PTPN3: variants seen among roughly 807,000 people sequenced by gnomAD.
PTPN3 encodes tyrosine-protein phosphatase non-receptor type 3.
PTPN3 carries 96 observed loss-of-function variants against 132.7 expected under a neutral mutation model. The ratio of observed to expected loss-of-function variants is 0.72; its 90% CI spans 0.61 to 0.86. PTPN3 has a LOEUF of 0.86. Ranked by LOEUF, PTPN3 falls within the 40% of genes least tolerant of loss-of-function variation. The pLI is 0.00. For missense variants in PTPN3, 1,125 were observed against 1,159.6 expected, an observed-to-expected ratio of 0.97 and a Z score of 0.43; for synonymous variants, 398 against 429.0, an observed-to-expected ratio of 0.93 and a Z score of 0.89.
At chr9:109,408,795 A>AT (rs1282154085) in intron 16 of PTPN3, among the ~76,000 whole-genome samples, 8,033 of 84,312 alleles carry the variant, frequency 0.095, 254 homozygotes, top group South Asian at 0.15. Flanking sequence ...AAAAAAAAAA[A>AT]AATATATATA....
At chr9:109,426,588 C>T (rs1195825796) in intron 12 of PTPN3, among the ~76,000 whole-genome samples, 4 of 152,102 alleles carry the variant, frequency 2.6e-5, no homozygotes. Flanking sequence ...AATTAAAGTT[C>T]TGTGGGAGAG....
chr9:109,385,543 G>T (rs1218265727), intron 22 of PTPN3, among the ~76,000 whole-genome samples: 1 of 152,200 alleles, frequency 6.6e-6, no homozygotes, highest in Non-Finnish European at 1.5e-5. Flanking sequence ...ATGAATCAGT[G>T]TGTGTCAGAT....
the PTPN3 span, chr9:109,534,197 C>T: frequency 8.8e-7 from 1 of 1,135,992 alleles, no homozygotes; most frequent in Non-Finnish European, 1.3e-6. Flanking sequence ...GCAGGTGCTG[C>T]TGATGTGAAG....
chr9:109,418,295 C>T (rs866020872), intron 14 of PTPN3, among the ~76,000 whole-genome samples: 6 of 152,210 alleles, frequency 3.9e-5, no homozygotes, highest in African/African-American at 7.2e-5. Flanking sequence ...TAAAGTGTGC[C>T]GCTGGACTTG....
At chr9:109,391,028 G>A (rs902557927) in intron 21 of PTPN3, 110 bp downstream of exon 21, 12 of 930,866 alleles carry the variant, frequency 1.3e-5, no homozygotes, top group African/African-American at 1.2e-4. Context: ...GCTGAAATGC[G>A]GTGGTGAACG....
chr9:109,469,007 T>C (rs1326377979), intron 1 of PTPN3, among the ~76,000 whole-genome samples: 1 of 152,218 alleles, frequency 6.6e-6, no homozygotes, highest in Non-Finnish European at 1.5e-5. Context: ...GATAGATATG[T>C]GATACATCTT....
intron 22 of PTPN3, among the ~76,000 whole-genome samples, chr9:109,383,920 C>T (rs74519113): frequency 0.14 from 21,014 of 151,660 alleles, 1,537 homozygotes; most frequent in East Asian, 0.18. Context: ...CCTCCAACGG[C>T]CCCTCCTCCT....
chr9:109,448,760 C>T (rs1845027537), intron 6 of PTPN3, 51 bp downstream of exon 6: 1 of 1,513,256 alleles, frequency 6.6e-7, no homozygotes, highest in African/African-American at 1.4e-5. Flanking sequence ...AGATTAAAAC[C>T]AGGAATTTTG....
At chr9:109,528,520 GC>G in the PTPN3 span, among the ~76,000 whole-genome samples, 2 of 152,268 alleles carry the variant, frequency 1.3e-5, no homozygotes, top group East Asian at 3.9e-4. Flanking sequence ...TCAAAAACAG[GC>G]AAAACAGATC....
At chr9:109,524,365 A>T in the PTPN3 span, among the ~76,000 whole-genome samples, 3,779 of 45,040 alleles carry the variant, frequency 0.084, 1,051 homozygotes, top group East Asian at 0.57. Context: ...CCTATGAAGG[A>T]GGTACTATTA....
the PTPN3 span, among the ~76,000 whole-genome samples, chr9:109,514,677 A>AGTTCTTTGCTCCTCTCTGTAGCCAT: frequency 6.6e-6 from 1 of 152,154 alleles, no homozygotes; most frequent in Non-Finnish European, 1.5e-5. Flanking sequence ...TAATGGCTCA[A>AGTTCTTTGCTCCTCTCTGTAGCCAT]GTTCTTTGCT....
intron 2 of PTPN3, 72 bp from the exon 3 acceptor site, chr9:109,457,471 C>CA: frequency 3.4e-6 from 4 of 1,180,002 alleles, no homozygotes; most frequent in Non-Finnish European, 4.9e-6. Flanking sequence ...TTACTGTAGG[C>CA]AAAAAAGAGT....
chr9:109,436,498 A>T (rs56208012), intron 9 of PTPN3, among the ~76,000 whole-genome samples: 56,913 of 152,056 alleles, frequency 0.37, 11,455 homozygotes, highest in African/African-American at 0.51. Context: ...ACTATCATAT[A>T]TGAGTAACTA....
At chr9:109,533,920 T>C in the PTPN3 span, 2 of 751,020 alleles carry the variant, frequency 2.7e-6, no homozygotes, top group Non-Finnish European at 4.8e-6. Context: ...CTGCTGCATG[T>C]TTACTGCCTT....
chr9:109,475,967 AC>A (rs1376300284), intron 1 of PTPN3, among the ~76,000 whole-genome samples: 3 of 151,736 alleles, frequency 2.0e-5, no homozygotes, highest in African/African-American at 7.3e-5. Flanking sequence ...CTCTCCACTT[AC>A]CCCCACGAAG....
At chr9:109,428,942 C>A in intron 10 of PTPN3, 7 of 985,420 alleles carry the variant, frequency 7.1e-6, no homozygotes, top group Non-Finnish European at 8.4e-6. Flanking sequence ...ATAGGCCATG[C>A]GCTCTCTTTG....
intron 7 of PTPN3, among the ~76,000 whole-genome samples, chr9:109,441,601 C>A (rs1405991594): frequency 1.3e-5 from 2 of 152,170 alleles, no homozygotes; most frequent in South Asian, 2.1e-4. Context: ...TGGTACAGAC[C>A]TCTATGTGGC....
At chr9:109,504,927 G>A in the PTPN3 span, among the ~76,000 whole-genome samples, 1 of 152,136 alleles carries the variant, frequency 6.6e-6, no homozygotes, top group East Asian at 1.9e-4. Context: ...AGGGAAAATG[G>A]GTTTGTCAGA....
the PTPN3 span, among the ~76,000 whole-genome samples, chr9:109,508,399 A>G: frequency 1.3e-5 from 2 of 152,190 alleles, no homozygotes; most frequent in East Asian, 3.9e-4. Context: ...TGACCTTGTG[A>G]TCTGCCTGCC....
Sources: allele counts gnomAD v4.1 joint callset (sites outside exome capture counted in the v4.1 genomes callset), GRCh38; gene constraint gnomAD v4.1.1; transcripts MANE v1.5; gene names NCBI Gene and HGNC (gene_info 2026-07-23, HGNC 2026-07-21).